NUP98: variants seen among roughly 807,000 people sequenced by gnomAD.
NUP98 encodes the protein nuclear pore complex protein Nup98-Nup96.
A neutral mutation model predicts 191.9 loss-of-function variants in NUP98; 26 were observed. The observed-to-expected ratio is 0.14, with a 90% CI of 0.10 to 0.19. NUP98 has a LOEUF of 0.19. Among genes scored for constraint, NUP98 ranks in the 10% least tolerant of loss-of-function variants. The probability of loss-of-function intolerance (pLI) is 1.00; values close to 1 mark genes in which losing one functional copy is unlikely to be tolerated. For missense variants in NUP98, 1,941 were observed against 2,178.8 expected (o/e 0.89, Z 2.17); for synonymous variants, 808 against 778.4 (o/e 1.04, Z -0.63).
intron 1 of NUP98, among the ~76,000 whole-genome samples, chr11:3,785,125 G>T (rs551574653): frequency 6.6e-6 from 1 of 151,314 alleles, no homozygotes; most frequent in African/African-American, 2.4e-5. Flanking sequence ...GCAACACAGC[G>T]AGACTCTGTC....
intron 20 of NUP98, 57 bp downstream of exon 20, chr11:3,712,507 T>C: frequency 6.2e-7 from 1 of 1,603,744 alleles, no homozygotes; most frequent in Non-Finnish European, 8.5e-7. Flanking sequence ...CTGAATGACT[T>C]GCTTTCAACT....
chr11:3,722,614 C>A (rs1456407624), intron 16 of NUP98, among the ~76,000 whole-genome samples: 2 of 151,972 alleles, frequency 1.3e-5, no homozygotes, highest in Non-Finnish European at 2.9e-5. Context: ...ATCACTTGAG[C>A]CCAGGATTTT....
At chr11:3,677,482 G>A (rs2077854668) in intron 31 of NUP98, among the ~76,000 whole-genome samples, 1 of 144,774 alleles carries the variant, frequency 6.9e-6, no homozygotes, top group African/African-American at 2.5e-5. Context: ...CAATCCTCCT[G>A]CCTCAGCCTC....
At chr11:3,795,517 T>C (rs948457237) in intron 1 of NUP98, among the ~76,000 whole-genome samples, 1 of 152,222 alleles carries the variant, frequency 6.6e-6, no homozygotes, top group Non-Finnish European at 1.5e-5. Flanking sequence ...AACTATCTTA[T>C]CTGGGCCCCA....
In NUP98 at chr11:3,683,269, C is replaced by A. The variant is rs746626657; in HGVS notation, c.4849G>T (p.Ala1617Ser). The part of the protein sequence containing the change: ...AHMESDKHLE[A>S]LCLFKAEHWN... ...TGCTCAGCCTTAAATAAGCAAAGGG[C>A]CTCTAAGTGCTTGTCAGATTCCATG... Residue 1617 changes from alanine to serine, a missense_variant, in exon 30 of 33, where the codon GCC becomes TCC. Physicochemically the swap from Ala to Ser is moderately conservative, Grantham distance 99. Around this residue, in one of 6 missense-constraint regions of NUP98, gnomAD observed 1,030 missense variants for 1,115.8 expected, o/e 0.92. Coordinates refer to ENST00000324932, the MANE Select transcript of NUP98 (RefSeq NM_016320.5). 1.2e-6 allele frequency: 2 copies of A among 1,614,114 alleles called. No individual in the cohort carries two copies. The highest frequency in any genetic ancestry group is 2.2e-5 in the East Asian group (1 of 44,876).
chr11:3,695,631 G>A (rs1244685348), intron 25 of NUP98, 25 bp from the exon 26 acceptor site: 1 of 1,516,650 alleles, frequency 6.6e-7, no homozygotes, highest in Non-Finnish European at 8.8e-7. Context: ...GAAGTTTTTT[G>A]GTTATTACTA....
rs2077791036 is a variant in NUP98, at chr11:3,675,861, C to T, written c.*298G>A. On this transcript the variant is annotated 3_prime_UTR_variant, in exon 33 of 33. Coordinates refer to ENST00000324932, the MANE Select transcript of NUP98 (RefSeq NM_016320.5). ...ATGGCTAGGGATGGAAAAAGAATAC[C>T]CTGGTTCTTTGGGGGATTCTGCCAA... 2.3e-6 allele frequency: 1 copy of T among 442,864 alleles called. No homozygotes were observed. The highest frequency in any genetic ancestry group is 1.9e-5 in the African/African-American group (1 of 51,330). The allele number at this position is 442,864 out of a possible 1,614,324, so 27.4% of individuals were successfully genotyped here.
intron 1 of NUP98, among the ~76,000 whole-genome samples, chr11:3,788,528 T>C (rs1376653615): frequency 1.3e-5 from 2 of 151,740 alleles, no homozygotes; most frequent in Admixed American, 6.6e-5. Context: ...GAGGTGGAGG[T>C]TGCTGTGAGC....
chr11:3,726,748 C>T (rs2079634705), intron 14 of NUP98, among the ~76,000 whole-genome samples: 1 of 151,890 alleles, frequency 6.6e-6, no homozygotes, highest in African/African-American at 2.4e-5. Flanking sequence ...TACCAAACAT[C>T]TGATGTTACC....
chr11:3,754,185 T>C (rs2080872612), intron 10 of NUP98, among the ~76,000 whole-genome samples: 1 of 152,094 alleles, frequency 6.6e-6, no homozygotes, highest in African/African-American at 2.4e-5. Context: ...TCCCAACACT[T>C]TGGGAGGCCA....
intron 17 of NUP98, among the ~76,000 whole-genome samples, chr11:3,720,040 T>C (rs192460424): frequency 4.6e-5 from 7 of 152,236 alleles, no homozygotes; most frequent in Admixed American, 4.6e-4. Context: ...GAATTACAGG[T>C]GTGAGTCACT....
chr11:3,778,466 G>A (rs1201097334), intron 4 of NUP98, among the ~76,000 whole-genome samples: 10 of 152,150 alleles, frequency 6.6e-5, no homozygotes, highest in Non-Finnish European at 5.9e-5. Flanking sequence ...TCCTGCTCTA[G>A]TCTCTTCATA....
At chr11:3,702,206 C>A (rs1034864924) in intron 23 of NUP98, among the ~76,000 whole-genome samples, 2 of 151,434 alleles carry the variant, frequency 1.3e-5, no homozygotes, top group Admixed American at 6.6e-5. Flanking sequence ...CCACCGCACC[C>A]CAGCCTGGGA....
In NUP98 at chr11:3,783,240, T is replaced by C. The variant is rs565298001; in HGVS notation, c.-28-1095A>G. 6.0e-5 allele frequency among the ~76,000 whole-genome samples: 9 copies of C among 149,576 alleles called. No individual in the cohort carries two copies. In the South Asian group the frequency reaches 1.3e-3, roughly 21 times the overall value. On this transcript the variant is annotated intron_variant, in intron 1 of 32. Transcript: ENST00000324932. ...AACCCTGTCTACAAAAAATCAAAGT[T>C]GGACTGGTGTGGTGACACGGGACTG... is the stretch of plus-strand genomic sequence containing the variant.
At chr11:3,728,305 T>C (rs576284913) in intron 14 of NUP98, among the ~76,000 whole-genome samples, 13 of 152,282 alleles carry the variant, frequency 8.5e-5, no homozygotes, top group Admixed American at 8.5e-4. Context: ...TGTAAGCACT[T>C]TGGTCCTTAC....
In NUP98 at chr11:3,795,154, G is replaced by A. The variant is rs377496209; in HGVS notation, c.-29+2246C>T. Among the ~76,000 whole-genome samples, 10 of 152,210 alleles carry A rather than the reference G, an allele frequency of 6.6e-5. No individual in the cohort carries two copies. The East Asian group carries it at 1.7e-3, about 26-fold the overall frequency. Reference sequence around the variant, plus strand: ...TAGGACCTAGTAGACATAAAGTCAGGTACTGGCTGGGCACAGTGGCTCATA... The same window carrying A: ...TAGGACCTAGTAGACATAAAGTCAGATACTGGCTGGGCACAGTGGCTCATA... On this transcript the variant is annotated intron_variant, in intron 1 of 32. Transcript: ENST00000324932.
intron 9 of NUP98, among the ~76,000 whole-genome samples, chr11:3,762,350 G>A (rs919858793): frequency 2.0e-5 from 3 of 151,032 alleles, no homozygotes; most frequent in Admixed American, 6.6e-5. Flanking sequence ...TCGAATTCCT[G>A]ACCTCAGGTG....
intron 28 of NUP98, among the ~76,000 whole-genome samples, chr11:3,689,753 C>A (rs2078247526): frequency 2.0e-5 from 3 of 151,758 alleles, no homozygotes; most frequent in African/African-American, 7.3e-5. Flanking sequence ...TGATCCTCCA[C>A]CCTCAGCCTC....
intron 26 of NUP98, among the ~76,000 whole-genome samples, chr11:3,694,483 G>A (rs1164646946): frequency 1.3e-5 from 2 of 151,624 alleles, no homozygotes; most frequent in Admixed American, 6.6e-5. Flanking sequence ...GCTCACGCTT[G>A]TAATCCCAGC....
Sources: gnomAD v4.1 joint callset for allele counts (sites outside exome capture counted in the v4.1 genomes callset) on GRCh38, gnomAD v4.1.1 for gene constraint, gnomAD v4.1.1 regional missense constraint, MANE v1.5 for transcripts, NCBI Gene and HGNC (gene_info 2026-07-23, HGNC 2026-07-21) for gene names.